MAP3K20: variants seen among roughly 807,000 people sequenced by gnomAD.
MAP3K20 encodes HCCS-4.
MAP3K20 carries 40 observed loss-of-function variants against 85.7 expected under a neutral mutation model. The ratio of observed to expected loss-of-function variants is 0.47; its 90% confidence interval spans 0.36 to 0.61. The LOEUF (loss-of-function observed/expected upper bound fraction) is 0.61. Ranked by LOEUF, MAP3K20 falls within the 20% of genes least tolerant of loss-of-function variation. MAP3K20 has a pLI of 0.00. For missense variants in MAP3K20, 817 were observed against 961.7 expected (o/e 0.85, Z 1.99); for synonymous variants, 325 against 327.7 (o/e 0.99, Z 0.09).
At chr2:173,114,635 A>G (rs948406083) in intron 2 of MAP3K20, among the ~76,000 whole-genome samples, 7 of 152,156 alleles carry the variant, frequency 4.6e-5, no homozygotes, top group African/African-American at 4.8e-5. Flanking sequence ...TTTGTCTGAA[A>G]AAGATGTATC....
chr2:173,156,423 G>A (rs1689472459), intron 2 of MAP3K20, among the ~76,000 whole-genome samples: 1 of 152,166 alleles, frequency 6.6e-6, no homozygotes, highest in African/African-American at 2.4e-5. Context: ...AAGTGAGGTG[G>A]CTGGGTAATG....
chr2:173,199,052 G>C (rs1283394657), intron 8 of MAP3K20, among the ~76,000 whole-genome samples: 1 of 152,120 alleles, frequency 6.6e-6, no homozygotes, highest in East Asian at 1.9e-4. Flanking sequence ...TCTTATCTGT[G>C]CTCTCCACAA....
rs558649237 is a variant in MAP3K20, at chr2:173,167,396, T to C, written c.160-2409T>C. On this transcript the variant is annotated intron_variant, in intron 2 of 19. Coordinates refer to ENST00000375213, the MANE Select transcript of MAP3K20 (RefSeq NM_016653.3). Reference sequence around the variant, plus strand: ...CTGACATCATGATGTCATTTGACCTTCATTTATTACAAACATATCACTTAC... The same window carrying C: ...CTGACATCATGATGTCATTTGACCTCCATTTATTACAAACATATCACTTAC... Among the ~76,000 whole-genome samples, 3 of 152,144 alleles carry C rather than the reference T, an allele frequency of 2.0e-5. No individual in the cohort carries two copies. The South Asian group carries it at 6.2e-4, about 31-fold the overall frequency.
chr2:173,179,159 C>T (rs937268132), intron 3 of MAP3K20, among the ~76,000 whole-genome samples: 2 of 151,944 alleles, frequency 1.3e-5, no homozygotes, highest in Admixed American at 1.3e-4. Context: ...TTTGGGAGGC[C>T]GAGGTGGGCG....
At chr2:173,161,713 T>C (rs1030825529) in intron 2 of MAP3K20, among the ~76,000 whole-genome samples, 7 of 152,124 alleles carry the variant, frequency 4.6e-5, no homozygotes, top group African/African-American at 1.4e-4. Flanking sequence ...ACCGAGTAGG[T>C]TGAAGTCCAT....
At chr2:173,133,731 A>T (rs76389496) in intron 2 of MAP3K20, among the ~76,000 whole-genome samples, 9,801 of 151,648 alleles carry the variant, frequency 0.065, 944 homozygotes, top group East Asian at 0.52. Flanking sequence ...TGCATTTTAA[A>T]TTTTTTTCTT....
At chr2:173,084,918 T>G (rs1687106214) in intron 1 of MAP3K20, among the ~76,000 whole-genome samples, 1 of 152,224 alleles carries the variant, frequency 6.6e-6, no homozygotes, top group Admixed American at 6.5e-5. Context: ...ATAACAGATC[T>G]GCTCATAGAT....
chr2:173,170,365 C>A (rs1010246164), intron 3 of MAP3K20, among the ~76,000 whole-genome samples: 1 of 152,148 alleles, frequency 6.6e-6, no homozygotes, highest in African/African-American at 2.4e-5. Context: ...TGGTAATGAC[C>A]TTGATCTAAA....
At chr2:173,262,813 G>A (rs1415522070) in intron 18 of MAP3K20, among the ~76,000 whole-genome samples, 1 of 152,104 alleles carries the variant, frequency 6.6e-6, no homozygotes, top group Non-Finnish European at 1.5e-5. Flanking sequence ...TGGTCTTGAG[G>A]AACTTGGAAA....
intron 13 of MAP3K20, 27 bp from the exon 14 acceptor site, chr2:173,232,293 A>G: frequency 6.2e-7 from 1 of 1,613,786 alleles, no homozygotes; most frequent in East Asian, 2.2e-5. Context: ...ATCTAATTTT[A>G]TTCTGCTTTC....
At chr2:173,263,364 T>C (rs1685338377) in intron 18 of MAP3K20, among the ~76,000 whole-genome samples, 1 of 152,184 alleles carries the variant, frequency 6.6e-6, no homozygotes, top group African/African-American at 2.4e-5. Flanking sequence ...GTACTATAAA[T>C]AGAAGATGTA....
rs1176873737 is a variant in MAP3K20 at position 173,266,796 on chromosome 2, A to G, written c.*46A>G. On this transcript the variant is annotated 3_prime_UTR_variant, in exon 20 of 20. Transcript: ENST00000375213. Reference sequence around the variant, plus strand: ...TTCTAAGCAGGTTAAAAAAAAAAAAAAAAAGAAATGTAATGGTTTTTGATA... The same window carrying G: ...TTCTAAGCAGGTTAAAAAAAAAAAAGAAAAGAAATGTAATGGTTTTTGATA... The G allele has an allele frequency of 2.9e-6, 4 of 1,363,334 alleles. No homozygotes were observed. Among genetic ancestry groups the G allele is most frequent in the African/African-American group, 1.5e-5 (1 of 68,402 alleles). 84.5% of individuals were successfully genotyped at this position (1,363,334 alleles called of 1,614,324 possible). A position where few individuals can be genotyped will look rare whatever the true frequency, so the allele number is the denominator to read the frequency against.
intron 8 of MAP3K20, among the ~76,000 whole-genome samples, 179 bp from the exon 9 acceptor site, chr2:173,203,617 T>A (rs953042276): frequency 6.6e-6 from 1 of 152,220 alleles, no homozygotes; most frequent in Non-Finnish European, 1.5e-5. Flanking sequence ...TATGAGTCTT[T>A]AGAGATTACA....
chr2:173,111,620 C>T (rs890354530), intron 2 of MAP3K20, among the ~76,000 whole-genome samples: 1 of 152,130 alleles, frequency 6.6e-6, no homozygotes, highest in Admixed American at 6.6e-5. Context: ...AGATGAGGAT[C>T]CAGTTTCATT....
chr2:173,161,381 A>G (rs1172556095), intron 2 of MAP3K20, among the ~76,000 whole-genome samples: 1 of 152,234 alleles, frequency 6.6e-6, no homozygotes, highest in African/African-American at 2.4e-5. Flanking sequence ...AAAGAGCAGA[A>G]TGAATACTGA....
At chr2:173,142,471 CAA>C (rs546013989) in intron 2 of MAP3K20, among the ~76,000 whole-genome samples, 16 of 97,628 alleles carry the variant, frequency 1.6e-4, no homozygotes, top group East Asian at 5.0e-4. Context: ...GACTCCGTCT[CAA>C]AAAAAAAAAA....
chr2:173,221,636 G>A (rs1684254193), intron 11 of MAP3K20: 7 of 1,335,866 alleles, frequency 5.2e-6, no homozygotes, highest in Non-Finnish European at 6.8e-6. Context: ...GCCAAGCACT[G>A]CATTTTTAGG....
chr2:173,197,904 C>CTACA, intron 7 of MAP3K20, 122 bp from the exon 8 acceptor site: 1 of 652,396 alleles, frequency 1.5e-6, no homozygotes, highest in South Asian at 2.4e-5. Context: ...GCCCAAGTTT[C>CTACA]TACAGTTGGG....
At chr2:173,144,547 G>A (rs533232535) in intron 2 of MAP3K20, among the ~76,000 whole-genome samples, 1 of 114,974 alleles carries the variant, frequency 8.7e-6, no homozygotes, top group South Asian at 2.3e-4. Flanking sequence ...AATACAAAAA[G>A]TAGCTGGGAG....
Sources: gnomAD v4.1 joint callset for allele counts (sites outside exome capture counted in the v4.1 genomes callset) on GRCh38, gnomAD v4.1.1 for gene constraint, MANE v1.5 for transcripts, NCBI Gene and HGNC (gene_info 2026-07-23, HGNC 2026-07-21) for gene names.